ARHGEF1: variants seen among roughly 807,000 people sequenced by gnomAD.
ARHGEF1 encodes Rho guanine nucleotide exchange factor 1, also known as 115 kDa guanine nucleotide exchange factor.
A neutral mutation model predicts 119.7 loss-of-function variants in ARHGEF1; 40 were observed. The observed-to-expected ratio is 0.33, with a 90% confidence interval of 0.26 to 0.44. ARHGEF1 has a LOEUF of 0.44. Ranked by LOEUF, ARHGEF1 falls within the 20% of genes least tolerant of loss-of-function variation. The pLI is 1.00. For synonymous variants in ARHGEF1, 494 were observed against 521.0 expected (o/e 0.95, Z 0.71); for missense variants, 976 against 1,268.3 (o/e 0.77, Z 3.50).
At position 41,904,766 on chromosome 19, in the gene ARHGEF1, G is replaced by A. The variant is rs2074663047; in HGVS notation, c.2162-183G>A. Among the ~76,000 whole-genome samples, 2 of 152,174 alleles carry A rather than the reference G, an allele frequency of 1.3e-5. No homozygotes were observed. Among genetic ancestry groups the A allele is most frequent in the South Asian group, 4.1e-4 (2 of 4,830 alleles). On this transcript the variant is annotated intron_variant, in intron 22 of 28. Coordinates refer to ENST00000354532, the MANE Select transcript of ARHGEF1 (RefSeq NM_004706.4). This position sits in a 1 kb window ranked among gnomAD's most constrained non-coding sequence, Gnocchi z 8.4. ...TACATGCCCGATTCCATAAGGAGGT[G>A]TGAGAGGTGGGGCTCAGGAGGACAC... is the stretch of plus-strand genomic sequence containing the variant.
At chr19:41,893,228 C>T in intron 7 of ARHGEF1, 46 bp from the exon 8 acceptor site, 2 of 1,611,378 alleles carry the variant, frequency 1.2e-6, no homozygotes, top group Non-Finnish European at 1.7e-6. Flanking sequence ...GGATGGGGAC[C>T]CCAGGCCTAG....
chr19:41,902,493 T>C lies in ARHGEF1; in HGVS notation c.1498-40T>C, dbSNP rs116275128. 2,124 of 1,613,390 alleles carry C rather than the reference T, an allele frequency of 1.3e-3. 29 individuals are homozygous for C. In the African/African-American group the frequency reaches 0.023, roughly 17 times the overall value. On this transcript the variant is annotated intron_variant, in intron 16 of 28. Coordinates refer to ENST00000354532, the MANE Select transcript of ARHGEF1 (RefSeq NM_004706.4). This position sits in a 1 kb window ranked among gnomAD's most constrained non-coding sequence, Gnocchi z 6.5. ...GTACTTTAGTCCCTGTTCTTGCCCATCCCCACTGAGACACCTGCCTGGCCT... is the reference window on the plus strand; with the variant it reads ...GTACTTTAGTCCCTGTTCTTGCCCACCCCCACTGAGACACCTGCCTGGCCT...
At position 41,904,027 on chromosome 19, in the gene ARHGEF1, T is replaced by C. The variant is rs1555849579; in HGVS notation, c.1918-8T>C. 1 of 1,546,476 alleles carries C rather than the reference T, an allele frequency of 6.5e-7. No individual in the cohort carries two copies. Among genetic ancestry groups the C allele is most frequent in the South Asian group, 1.1e-5 (1 of 89,918 alleles). On this transcript the variant is annotated splice_polypyrimidine_tract_variant and splice_region_variant and intron_variant, in intron 20 of 28. Coordinates refer to ENST00000354532, the MANE Select transcript of ARHGEF1 (RefSeq NM_004706.4). This position sits in a 1 kb window ranked among gnomAD's most constrained non-coding sequence, Gnocchi z 8.4. ...ACCTGCACAAACCATCACCCCCTCCTGCCCCAGAACCTGGACATCACCAAG... is the reference window on the plus strand; with the variant it reads ...ACCTGCACAAACCATCACCCCCTCCCGCCCCAGAACCTGGACATCACCAAG...
intron 1 of ARHGEF1, chr19:41,923,305 G>A (rs2074852485): frequency 2.6e-6 from 1 of 387,156 alleles, no homozygotes. Context: ...CAGAAAAGGA[G>A]GAAAGAGACA....
At position 41,905,365 on chromosome 19, in the gene ARHGEF1, A is replaced by G. The variant is rs1215804337; in HGVS notation, c.2336+104A>G. 1.0e-6 allele frequency: 1 copy of G among 994,862 alleles called. No individual in the cohort carries two copies. The highest frequency in any genetic ancestry group is 1.5e-6 in the Non-Finnish European group (1 of 669,556). 61.6% of individuals were successfully genotyped at this position (994,862 alleles called of 1,614,324 possible). ...GAACCGTCTCTGTGTGAGCATGCAC[A>G]TGTGTGAATGCATGTGTGTGCATAC... On this transcript the variant is annotated intron_variant, in intron 24 of 28. Coordinates refer to ENST00000354532, the MANE Select transcript of ARHGEF1 (RefSeq NM_004706.4). The surrounding 1 kb of genome is among the most constrained non-coding windows in gnomAD (Gnocchi z 6.4).
At chr19:41,923,263 G>C (rs1343835489) in intron 1 of ARHGEF1, 1 of 444,672 alleles carries the variant, frequency 2.2e-6, no homozygotes, top group Non-Finnish European at 4.5e-6. Flanking sequence ...CCCGATATTT[G>C]TACTGTCAGA....
intron 1 of ARHGEF1, among the ~76,000 whole-genome samples, chr19:41,925,784 G>T (rs1174540027): frequency 2.0e-5 from 3 of 152,136 alleles, no homozygotes; most frequent in Non-Finnish European, 4.4e-5. Context: ...TGAGCGACAG[G>T]TGTGCTCTTA....
intron 1 of ARHGEF1, among the ~76,000 whole-genome samples, chr19:41,885,681 C>G (rs1309940538): frequency 6.6e-6 from 1 of 151,924 alleles, no homozygotes; most frequent in Non-Finnish European, 1.5e-5. Flanking sequence ...AGGATGGTGT[C>G]GATCTCTTGA....
chr19:41,897,349 G>A (rs1555848056), intron 13 of ARHGEF1: 21 of 1,254,388 alleles, frequency 1.7e-5, no homozygotes, highest in Non-Finnish European at 2.2e-5. Context: ...GCCCTGGGTG[G>A]GGGAAGGGCT....
At chr19:41,893,124 T>A (rs1233351835) in intron 7 of ARHGEF1, 150 bp from the exon 8 acceptor site, 1 of 1,153,346 alleles carries the variant, frequency 8.7e-7, no homozygotes, top group African/African-American at 1.6e-5. Context: ...CTCCCTCTTA[T>A]GACAGTCCTT....
Position 41,903,735 on chromosome 19 carries a change from A to G in ARHGEF1, c.1868A>G (p.Asp623Gly). 6.2e-7 allele frequency: 1 copy of G among 1,613,082 alleles called. No individual in the cohort carries two copies. Among genetic ancestry groups the G allele is most frequent in the Non-Finnish European group, 8.5e-7 (1 of 1,179,988 alleles). Residue 623 changes from aspartate to glycine, a missense_variant, in exon 20 of 29, where the codon GAC becomes GGC. By Grantham distance (94) the Asp-to-Gly change is moderately conservative (BLOSUM62 -1). Transcript: ENST00000354532. This position sits in a 1 kb window ranked among gnomAD's most constrained non-coding sequence, Gnocchi z 4.2. ...LRLKDYQRRL[D>G]LSHLRQSSDP... ...CTCAAGGACTATCAGCGGCGCCTGG[A>G]CTTGTCCCACCTTCGGCAGAGCAGC...
Position 41,902,928 on chromosome 19 carries a change from G to A in ARHGEF1, c.1738+30G>A, listed in dbSNP as rs374938983. 6.5e-7 allele frequency: 1 copy of A among 1,527,544 alleles called. No homozygotes were observed. 94.6% of individuals were successfully genotyped at this position (1,527,544 alleles called of 1,614,324 possible). A position where few individuals can be genotyped will look rare whatever the true frequency, so the allele number is the denominator to read the frequency against. Reference sequence around the variant, plus strand: ...CGCGGGCCTGGATCTCTGGGCCTCGGCTCTCCTCTTTTTTTTTTACATTTT... The same window carrying A: ...CGCGGGCCTGGATCTCTGGGCCTCGACTCTCCTCTTTTTTTTTTACATTTT... On this transcript the variant is annotated intron_variant, in intron 18 of 28. Transcript: ENST00000354532. This position sits in a 1 kb window ranked among gnomAD's most constrained non-coding sequence, Gnocchi z 6.5.
downstream of ARHGEF1, chr19:41,909,311 C>T (rs544928829): frequency 1.3e-5 from 16 of 1,234,662 alleles, no homozygotes; most frequent in East Asian, 3.8e-4. This position sits in a 1 kb window ranked among gnomAD's most constrained non-coding sequence, Gnocchi z 5.2. Context: ...GGCCCTGGGG[C>T]CCCCCCAAAG....
Position 41,892,979 on chromosome 19 carries a change from G to C in ARHGEF1, c.614+130G>C. On this transcript the variant is annotated intron_variant, in intron 7 of 28. Coordinates refer to ENST00000354532, the MANE Select transcript of ARHGEF1 (RefSeq NM_004706.4). This position sits in a 1 kb window ranked among gnomAD's most constrained non-coding sequence, Gnocchi z 6.3. ...CAGAGTTCATTTCTTGGCACTGGGG[G>C]TCTTCCTCTACCCTGGTGTTTTAAC... is the stretch of plus-strand genomic sequence containing the variant. The C allele has an allele frequency of 7.6e-7, 1 of 1,320,904 alleles. No homozygotes were observed. Among genetic ancestry groups the C allele is most frequent in the Non-Finnish European group, 1.0e-6 (1 of 998,694 alleles). The allele number at this position is 1,320,904 out of a possible 1,614,324, so 81.8% of individuals were successfully genotyped here.
chr19:41,905,109 T>A lies in ARHGEF1; in HGVS notation c.2250-66T>A. 2 of 1,608,808 alleles carry A rather than the reference T, an allele frequency of 1.2e-6. No homozygotes were observed. The highest frequency in any genetic ancestry group is 2.2e-5 in the South Asian group (2 of 90,982). ...TCTGGGTTCCCAGGGACAGGAGGGCTGTGGGGAGGCCCTGGCATAGGGTCT... is the reference window on the plus strand; with the variant it reads ...TCTGGGTTCCCAGGGACAGGAGGGCAGTGGGGAGGCCCTGGCATAGGGTCT... On this transcript the variant is annotated intron_variant, in intron 23 of 28. Transcript: ENST00000354532. The surrounding 1 kb of genome is among the most constrained non-coding windows in gnomAD (Gnocchi z 6.4).
Position 41,888,200 on chromosome 19 carries a change from A to C in ARHGEF1, c.33A>C (p.Pro11=). Residue 11 remains proline (P), a synonymous_variant, in exon 3 of 29, where the codon CCA becomes CCC. Coordinates refer to ENST00000354532, the MANE Select transcript of ARHGEF1 (RefSeq NM_004706.4). The surrounding 1 kb of genome is among the most constrained non-coding windows in gnomAD (Gnocchi z 5.1). Reference sequence around the variant, plus strand: ...GCCCTCCCTTTCCACAGGCCTCCCCAGGCCCCTCCCGGCCTGGCCTGGTTC... The same window carrying C: ...GCCCTCCCTTTCCACAGGCCTCCCCCGGCCCCTCCCGGCCTGGCCTGGTTC... MEDFARGAAS[P]GPSRPGLVPV... 1 of 1,614,138 alleles carries C rather than the reference A, an allele frequency of 6.2e-7. No homozygotes were observed. Among genetic ancestry groups the C allele is most frequent in the Non-Finnish European group, 8.5e-7 (1 of 1,179,998 alleles).
chr19:41,922,935 T>C (rs553941128), upstream of ARHGEF1, among the ~76,000 whole-genome samples: 71 of 151,810 alleles, frequency 4.7e-4, no homozygotes, highest in African/African-American at 1.7e-3. Flanking sequence ...TCTGCCCACC[T>C]CTCCCTCCAT....
downstream of ARHGEF1, chr19:41,910,166 C>G: frequency 6.9e-7 from 1 of 1,457,276 alleles, no homozygotes; most frequent in Non-Finnish European, 9.3e-7. This position sits in a 1 kb window ranked among gnomAD's most constrained non-coding sequence, Gnocchi z 4.4. Context: ...TCCTGCTGGA[C>G]TCAGTAACCT....
At chr19:41,898,738 A>C in intron 14 of ARHGEF1, 151 bp downstream of exon 14, 1 of 1,092,108 alleles carries the variant, frequency 9.2e-7, no homozygotes, top group Non-Finnish European at 1.3e-6. Flanking sequence ...TTCCAAGTTC[A>C]GATTGTTTCA....
Sources: gnomAD v4.1 joint callset for allele counts (sites outside exome capture counted in the v4.1 genomes callset) on GRCh38, gnomAD v4.1.1 for gene constraint, Gnocchi (gnomAD v3.1) non-coding constraint, MANE v1.5 for transcripts, NCBI Gene and HGNC (gene_info 2026-07-23, HGNC 2026-07-21) for gene names.